Variants in PCDHA8 observed in about 807,000 individuals in gnomAD.
The protein encoded by PCDHA8 is protocadherin alpha 8.
A neutral mutation model predicts 61.8 loss-of-function variants in PCDHA8; 53 were observed. The observed-to-expected ratio is 0.86, with a 90% CI of 0.69 to 1.08. PCDHA8 has a LOEUF of 1.08. Ranked by LOEUF, PCDHA8 falls within the 50% of genes least tolerant of loss-of-function variation. The probability of loss-of-function intolerance (pLI) is 0.00; values close to 1 mark genes in which losing one functional copy is unlikely to be tolerated. For missense variants in PCDHA8, 1,293 were observed against 1,245.0 expected, an observed-to-expected ratio of 1.04 and a Z score of -0.58; for synonymous variants, 618 against 556.6, an observed-to-expected ratio of 1.11 and a Z score of -1.55.
Position 140,873,523 on chromosome 5 carries a change from G to A in PCDHA8, c.2394+29808G>A, listed in dbSNP as rs1371984958. 2.0e-5 allele frequency among the ~76,000 whole-genome samples: 3 copies of A among 152,090 alleles called. No homozygotes were observed. In the East Asian group the frequency reaches 5.8e-4, roughly 29 times the overall value. ...GTCTTTTATACTTAATGCCAAGATTGCATTCTATGGTATAAAATTATAATT... is the reference window on the plus strand; with the variant it reads ...GTCTTTTATACTTAATGCCAAGATTACATTCTATGGTATAAAATTATAATT... On this transcript the variant is annotated intron_variant, in intron 1 of 3. Transcript: ENST00000531613.
In PCDHA8 at chr5:140,841,203, T is replaced by C; in HGVS notation, c.-119T>C. ...GTTCAAAGTCTTTTCTCTGACAGCATCTGTCTCTAAAGGCCGAACAACGGG... is the reference window on the plus strand; with the variant it reads ...GTTCAAAGTCTTTTCTCTGACAGCACCTGTCTCTAAAGGCCGAACAACGGG... On this transcript the variant is annotated 5_prime_UTR_variant, in exon 1 of 4. Coordinates refer to ENST00000531613, the MANE Select transcript of PCDHA8 (RefSeq NM_018911.3). 1 of 1,324,274 alleles carries C rather than the reference T, an allele frequency of 7.6e-7. No individual in the cohort carries two copies. The highest frequency in any genetic ancestry group is 1.0e-6 in the Non-Finnish European group (1 of 967,760). The allele number at this position is 1,324,274 out of a possible 1,614,324, so 82.0% of individuals were successfully genotyped here.
rs2150322746 is a variant in PCDHA8 at position 140,841,790 on chromosome 5, G to T, written c.469G>T (p.Ala157Ser). 1 of 1,613,884 alleles carries T rather than the reference G, an allele frequency of 6.2e-7. No homozygotes were observed. ...AGACTCTCGGTTTCCGCTAGAGGGC[G>T]CGTCCGATGCAGATGTTGGAGCTAA... ...MPDSRFPLEG[A>S]SDADVGANSV... Residue 157 changes from alanine to serine, a missense_variant, in exon 1 of 4, where the codon GCG becomes TCG. Coordinates refer to ENST00000531613, the MANE Select transcript of PCDHA8 (RefSeq NM_018911.3).
chr5:140,875,696 T>C (rs2055720575), intron 1 of PCDHA8: 1 of 1,613,958 alleles, frequency 6.2e-7, no homozygotes, highest in Non-Finnish European at 8.5e-7. Flanking sequence ...GGGGACCTTC[T>C]GGAGGTAAAT....
chr5:140,910,175 T>C (rs1296033470), intron 1 of PCDHA8, among the ~76,000 whole-genome samples: 1 of 152,240 alleles, frequency 6.6e-6, no homozygotes. Flanking sequence ...CCTCTGTTTT[T>C]ATAATTCAAA....
intron 3 of PCDHA8, among the ~76,000 whole-genome samples, chr5:141,008,415 C>T (rs782593921): frequency 2.0e-5 from 3 of 152,138 alleles, no homozygotes; most frequent in Non-Finnish European, 4.4e-5. Flanking sequence ...ATGTCATGGC[C>T]ACTGGGATCA....
chr5:140,876,580 G>T, intron 1 of PCDHA8: 1 of 1,614,190 alleles, frequency 6.2e-7, no homozygotes, highest in African/African-American at 1.3e-5. Context: ...TACCGTCATT[G>T]CCCTGATTAG....
At chr5:140,861,610 A>T (rs1268305779) in intron 1 of PCDHA8, 1 of 355,772 alleles carries the variant, frequency 2.8e-6, no homozygotes. Context: ...AACAATAAAG[A>T]CAACCTGCCA....
intron 1 of PCDHA8, among the ~76,000 whole-genome samples, chr5:140,947,069 T>G (rs2094080715): frequency 6.6e-6 from 1 of 151,696 alleles, no homozygotes; most frequent in Admixed American, 6.6e-5. Context: ...AGTGTATATA[T>G]GTATTGAAAC....
At chr5:140,997,978 C>A (rs1205743045) in intron 3 of PCDHA8, among the ~76,000 whole-genome samples, 2 of 152,182 alleles carry the variant, frequency 1.3e-5, no homozygotes, top group Admixed American at 1.3e-4. Context: ...TTGGACTGCA[C>A]TTGTTACATA....
Position 140,926,837 on chromosome 5 carries a change from G to A in PCDHA8, c.2395-52112G>A, listed in dbSNP as rs1170899993. 11 of 1,513,410 alleles carry A rather than the reference G, an allele frequency of 7.3e-6. No individual in the cohort carries two copies. In the African/African-American group the frequency reaches 1.4e-4, roughly 19 times the overall value. 93.7% of individuals were successfully genotyped at this position (1,513,410 alleles called of 1,614,324 possible). ...GTGCTCTCCAGGAGTCCGGAGCATG[G>A]TCCTGGGTCACCGTTGGTGTAGCGT... On this transcript the variant is annotated intron_variant, in intron 1 of 3. Coordinates refer to ENST00000531613, the MANE Select transcript of PCDHA8 (RefSeq NM_018911.3).
rs1404110882 is a variant in PCDHA8 at position 140,968,973 on chromosome 5, C to A, written c.2395-9976C>A. On this transcript the variant is annotated intron_variant, in intron 1 of 3. Transcript: ENST00000531613. ...ATCATCAAGTGCTACCGCTACACTG[C>A]GTATGGCACTGCATGCTGTGGAGGC... is the stretch of plus-strand genomic sequence containing the variant. The A allele has an allele frequency of 6.2e-7, 1 of 1,614,194 alleles. No homozygotes were observed. The highest frequency in any genetic ancestry group is 1.3e-5 in the African/African-American group (1 of 75,044).
intron 1 of PCDHA8, among the ~76,000 whole-genome samples, chr5:140,972,015 G>A (rs782728118): frequency 2.6e-5 from 4 of 152,004 alleles, no homozygotes; most frequent in Admixed American, 6.5e-5. Context: ...CCTTTTATAT[G>A]GGATATTCAG....
intron 2 of PCDHA8, 171 bp downstream of exon 2, chr5:140,979,178 G>T: frequency 1.1e-6 from 1 of 944,140 alleles, no homozygotes; most frequent in Non-Finnish European, 1.3e-6. Flanking sequence ...GATCGCAAAT[G>T]GTCAGTGCCA....
intron 1 of PCDHA8, among the ~76,000 whole-genome samples, chr5:140,971,815 A>G (rs988959952): frequency 3.2e-4 from 49 of 152,166 alleles, no homozygotes; most frequent in African/African-American, 1.1e-3. Flanking sequence ...TATTGAATAC[A>G]TATATGATTT....
At chr5:140,909,812 A>T (rs1353892202) in intron 1 of PCDHA8, among the ~76,000 whole-genome samples, 1 of 151,982 alleles carries the variant, frequency 6.6e-6, no homozygotes, top group Non-Finnish European at 1.5e-5. Context: ...AAAACTCCAT[A>T]AGCCCCTACT....
intron 3 of PCDHA8, among the ~76,000 whole-genome samples, chr5:140,997,083 A>C (rs1267571178): frequency 2.6e-5 from 4 of 152,174 alleles, no homozygotes; most frequent in Non-Finnish European, 5.9e-5. Flanking sequence ...AGTTGAGTAG[A>C]AAGTGCAGAG....
chr5:140,915,887 TC>T (rs1276492784), intron 1 of PCDHA8, among the ~76,000 whole-genome samples: 1 of 152,078 alleles, frequency 6.6e-6, no homozygotes, highest in African/African-American at 2.4e-5. Context: ...GGTAGCAAGT[TC>T]CCCCTGGCCC....
At chr5:140,934,100 T>C (rs554832439) in intron 1 of PCDHA8, among the ~76,000 whole-genome samples, 3 of 152,280 alleles carry the variant, frequency 2.0e-5, no homozygotes, top group Non-Finnish European at 4.4e-5. Context: ...GTTTGCTTTC[T>C]ATTTTATTAA....
intron 3 of PCDHA8, among the ~76,000 whole-genome samples, chr5:140,999,125 G>C (rs1554256627): frequency 6.6e-6 from 1 of 152,152 alleles, no homozygotes; most frequent in South Asian, 2.1e-4. Context: ...TTCTAAGCTG[G>C]AAAATGTCAC....
Sources: allele counts gnomAD v4.1 joint callset (sites outside exome capture counted in the v4.1 genomes callset), GRCh38; gene constraint gnomAD v4.1.1; transcripts MANE v1.5; gene names NCBI Gene and HGNC (gene_info 2026-07-23, HGNC 2026-07-21).